Variants in JMJD1C observed in about 807,000 individuals in gnomAD.
JMJD1C encodes the protein jumonji domain-containing protein 1C.
A neutral mutation model predicts 245.3 loss-of-function variants in JMJD1C; 31 were observed. That is an observed-to-expected ratio of 0.13 (90% CI 0.09 to 0.17). The LOEUF is 0.17. JMJD1C is among the 10% of genes least tolerant of loss of function. The pLI is 1.00. For synonymous variants in JMJD1C, 1,057 were observed against 1,017.4 expected (o/e 1.04, Z -0.74); for missense variants, 2,691 against 3,000.2 (o/e 0.90, Z 2.41).
intron 2 of JMJD1C, among the ~76,000 whole-genome samples, chr10:63,297,928 T>C (rs1859636724): frequency 6.6e-6 from 1 of 152,236 alleles, no homozygotes; most frequent in Admixed American, 6.5e-5. Flanking sequence ...TGACACGCTG[T>C]AACACCCTTT....
At chr10:63,344,743 A>C (rs1564812867) in intron 2 of JMJD1C, among the ~76,000 whole-genome samples, 1 of 152,168 alleles carries the variant, frequency 6.6e-6, no homozygotes, top group Non-Finnish European at 1.5e-5. Context: ...CCAAAAAAAA[A>C]ATAGACGGTA....
At chr10:63,333,435 A>G (rs186915109) in intron 2 of JMJD1C, among the ~76,000 whole-genome samples, 9 of 152,192 alleles carry the variant, frequency 5.9e-5, no homozygotes, top group Non-Finnish European at 1.0e-4. Context: ...TGTGGTCCCA[A>G]TGACTTAGGG....
intron 3 of JMJD1C, among the ~76,000 whole-genome samples, chr10:63,250,957 A>G (rs1469969306): frequency 6.6e-6 from 1 of 152,012 alleles, no homozygotes; most frequent in African/African-American, 2.4e-5. Context: ...TGCCCAGGCT[A>G]ATATCAAACT....
intron 2 of JMJD1C, among the ~76,000 whole-genome samples, chr10:63,332,274 C>A (rs762663218): frequency 2.6e-5 from 4 of 152,174 alleles, no homozygotes; most frequent in Non-Finnish European, 4.4e-5. Context: ...GATAAGCCAC[C>A]ATATGTGTCA....
rs529477360 is a variant in JMJD1C at position 63,457,491 on chromosome 10, A to C, written c.168+8004T>G. On this transcript the variant is annotated intron_variant, in intron 1 of 25. Coordinates refer to ENST00000399262, the MANE Select transcript of JMJD1C (RefSeq NM_032776.3). ...GTGAGTAATTATGCAACATAGTACA[A>C]GTAAATTCTACAAAGGAAATAACAA... 1.3e-4 allele frequency among the ~76,000 whole-genome samples: 20 copies of C among 152,328 alleles called. 1 individual carries two copies. The South Asian group carries it at 3.9e-3, about 30-fold the overall frequency.
chr10:63,314,929 T>G (rs373919159), intron 2 of JMJD1C, among the ~76,000 whole-genome samples: 2 of 151,224 alleles, frequency 1.3e-5, no homozygotes, highest in African/African-American at 4.8e-5. Context: ...GATTACAGGC[T>G]TGAGTTCACT....
At chr10:63,295,957 ATATGTGTGTGTGTG>A (rs1393570235) in intron 2 of JMJD1C, among the ~76,000 whole-genome samples, 1,327 of 94,518 alleles carry the variant, frequency 0.014, 55 homozygotes, top group African/African-American at 0.056. Flanking sequence ...ATATACACGT[ATATGTGTGTGTGTG>A]TGTGTGTGTG....
rs117875013 is a variant in JMJD1C at position 63,385,963 on chromosome 10, C to T, written c.169-5481G>A. Among the ~76,000 whole-genome samples, 416 of 151,962 alleles carry T rather than the reference C, an allele frequency of 2.7e-3. 2 individuals carry two copies. Among genetic ancestry groups the T allele is most frequent in the Non-Finnish European group, 5.1e-3 (344 of 67,968 alleles). ...CATATACGGTGAAAACTACAATACA[C>T]CAAACATGGAAACTTAAGTCTTAAA... is the stretch of plus-strand genomic sequence containing the variant. On this transcript the variant is annotated intron_variant, in intron 1 of 25. Coordinates refer to ENST00000399262, the MANE Select transcript of JMJD1C (RefSeq NM_032776.3).
At chr10:63,391,397 CCA>C (rs1160731684) in intron 1 of JMJD1C, among the ~76,000 whole-genome samples, 1 of 151,944 alleles carries the variant, frequency 6.6e-6, no homozygotes. Context: ...GTAGTCCCAG[CCA>C]CTTGGGAGGC....
chr10:63,346,589 C>G (rs1029155754), intron 2 of JMJD1C, among the ~76,000 whole-genome samples: 5 of 152,214 alleles, frequency 3.3e-5, no homozygotes, highest in African/African-American at 1.2e-4. Context: ...AACCAATTCA[C>G]TTCTGTACCT....
upstream of JMJD1C, among the ~76,000 whole-genome samples, chr10:63,469,806 G>A (rs1325538228): frequency 2.0e-5 from 3 of 152,052 alleles, no homozygotes; most frequent in South Asian, 4.1e-4. Flanking sequence ...GCTAAGAATC[G>A]TGCAAGCCAC....
chr10:63,211,138 A>G (rs368867104), intron 8 of JMJD1C, among the ~76,000 whole-genome samples: 1 of 152,216 alleles, frequency 6.6e-6, no homozygotes, highest in South Asian at 2.1e-4. Context: ...AAGATGCATC[A>G]TCAACCACTT....
intron 8 of JMJD1C, among the ~76,000 whole-genome samples, chr10:63,211,749 G>T (rs1364011031): frequency 6.9e-6 from 1 of 144,780 alleles, no homozygotes; most frequent in Non-Finnish European, 1.5e-5. Context: ...AAACACCCAT[G>T]TGAGGCAGAG....
chr10:63,247,499 G>GA, intron 3 of JMJD1C, among the ~76,000 whole-genome samples: 1 of 152,012 alleles, frequency 6.6e-6, no homozygotes, highest in Non-Finnish European at 1.5e-5. Flanking sequence ...CCAACACTTT[G>GA]AAAGGACAAA....
intron 13 of JMJD1C, 54 bp from the exon 14 acceptor site, chr10:63,194,429 G>T: frequency 8.4e-7 from 1 of 1,193,522 alleles, no homozygotes; most frequent in South Asian, 1.2e-5. Flanking sequence ...ATTATAAATT[G>T]ATAGTGTAAA....
At chr10:63,376,400 C>G (rs982588614) in intron 2 of JMJD1C, among the ~76,000 whole-genome samples, 4 of 151,854 alleles carry the variant, frequency 2.6e-5, no homozygotes, top group African/African-American at 4.8e-5. Flanking sequence ...AAGGCATAAG[C>G]AACAAGCGGA....
chr10:63,182,845 ATTTT>A (rs916913954), intron 22 of JMJD1C, among the ~76,000 whole-genome samples: 1 of 151,578 alleles, frequency 6.6e-6, no homozygotes, highest in East Asian at 1.9e-4. Context: ...TCTTCAATAA[ATTTT>A]TTTTGTTTGT....
intron 1 of JMJD1C, among the ~76,000 whole-genome samples, chr10:63,402,409 G>T (rs769606310): frequency 1.8e-4 from 28 of 152,278 alleles, no homozygotes; most frequent in Non-Finnish European, 3.5e-4. Flanking sequence ...AAATGAAATT[G>T]TGACTGTGTA....
At position 63,337,244 on chromosome 10, in the gene JMJD1C, C is replaced by T. The variant is rs577774406; in HGVS notation, c.333+43074G>A. 4.6e-5 allele frequency among the ~76,000 whole-genome samples: 7 copies of T among 151,530 alleles called. No homozygotes were observed. In the South Asian group the frequency reaches 1.5e-3, roughly 32 times the overall value. ...CACCACTGAGACTGGGCACTTGAGACCAGCCTGGTCAATATGGTGAAACCC... is the reference window on the plus strand; with the variant it reads ...CACCACTGAGACTGGGCACTTGAGATCAGCCTGGTCAATATGGTGAAACCC... On this transcript the variant is annotated intron_variant, in intron 2 of 25. Transcript: ENST00000399262.
Sources: gnomAD v4.1 joint callset for allele counts (sites outside exome capture counted in the v4.1 genomes callset) on GRCh38, gnomAD v4.1.1 for gene constraint, MANE v1.5 for transcripts, NCBI Gene and HGNC (gene_info 2026-07-23, HGNC 2026-07-21) for gene names.